KMT5B: variants seen among roughly 807,000 people sequenced by gnomAD.
The protein encoded by KMT5B is histone-lysine N-methyltransferase KMT5B.
In KMT5B, 10 loss-of-function variants were observed where a neutral mutation model predicts 83.2. The observed-to-expected ratio is 0.12, with a 90% CI of 0.07 to 0.20. The LOEUF (loss-of-function observed/expected upper bound fraction) is 0.20, where lower values mean the gene tolerates loss of function less well. Among genes scored for constraint, KMT5B ranks in the 10% least tolerant of loss-of-function variants. KMT5B has a pLI of 1.00. For synonymous variants in KMT5B, 349 were observed against 388.8 expected (o/e 0.90, Z 1.20); for missense variants, 753 against 1,067.2 (o/e 0.71, Z 4.10).
Position 68,158,268 on chromosome 11 carries a change from T to C in KMT5B, c.2078A>G (p.Lys693Arg). ...FKTKDSFRTA[K>R]SKKKRRITRY... is the part of the protein sequence containing the mutation. Reference sequence around the variant, plus strand: ...TGTGATTCGCCTCTTCTTTTTACTTTTTGCAGTTCTAAAGCTGTCTTTTGT... The same window carrying C: ...TGTGATTCGCCTCTTCTTTTTACTTCTTGCAGTTCTAAAGCTGTCTTTTGT... The change falls in exon 11 of 11, where the codon AAA becomes AGA. Residue 693 changes from lysine (K) to arginine (R), a missense_variant. Physicochemically the swap from Lys to Arg is conservative, Grantham distance 26. Transcript: ENST00000304363. The C allele has an allele frequency of 6.2e-7, 1 of 1,614,180 alleles. No individual in the cohort carries two copies. The highest frequency in any genetic ancestry group is 8.5e-7 in the Non-Finnish European group (1 of 1,180,032).
At chr11:68,164,942 GTATT>G (rs887773650) in intron 10 of KMT5B, among the ~76,000 whole-genome samples, 9 of 152,342 alleles carry the variant, frequency 5.9e-5, no homozygotes, top group African/African-American at 1.9e-4. Flanking sequence ...ATTTCAGTAA[GTATT>G]TAGTTTGTTA....
At chr11:68,184,465 G>A (rs1194561456) in intron 3 of KMT5B, among the ~76,000 whole-genome samples, 1 of 152,138 alleles carries the variant, frequency 6.6e-6, no homozygotes, top group Non-Finnish European at 1.5e-5. Context: ...GATAAGTGAG[G>A]CATATAGTAT....
chr11:68,167,848 C>T (rs117591396), intron 9 of KMT5B, among the ~76,000 whole-genome samples: 1 of 152,286 alleles, frequency 6.6e-6, no homozygotes, highest in East Asian at 1.9e-4. Flanking sequence ...TCTCCACATC[C>T]TCATCAACGG....
In KMT5B at chr11:68,186,813, A is replaced by G. The variant is rs116252343; in HGVS notation, c.161-885T>C. Among the ~76,000 whole-genome samples, 410 of 152,332 alleles carry G rather than the reference A, an allele frequency of 2.7e-3. 3 individuals carry two copies. Among genetic ancestry groups the G allele is most frequent in the African/African-American group, 9.1e-3 (377 of 41,588 alleles). On this transcript the variant is annotated intron_variant, in intron 2 of 10. Transcript: ENST00000304363. ...TGGGGAAGAATGAAACACAGAGTAA[A>G]GTTTAACCTTTTCATCCACTCTTTC...
chr11:68,159,145 C>G lies in KMT5B; in HGVS notation c.1201G>C (p.Val401Leu), dbSNP rs547961826. ...GTTCTGCTCTTGCTATTCTTTTTTA[C>G]GCCAACTGAAGATTTTCGGTTAGAA... ...ATSNRKSSVG[V>L]KKNSKSRTLT... is the part of the protein sequence containing the mutation. The change falls in exon 11 of 11, where the codon GTA becomes CTA. Residue 401 changes from valine (V) to leucine (L), a missense_variant. Transcript: ENST00000304363. The G allele has an allele frequency of 7.6e-6, 12 of 1,574,340 alleles. No individual in the cohort carries two copies. Among genetic ancestry groups the G allele is most frequent in the Non-Finnish European group, 1.0e-5 (12 of 1,167,640 alleles).
At chr11:68,170,947 A>G in intron 9 of KMT5B, 68 bp downstream of exon 9, 1 of 1,448,486 alleles carries the variant, frequency 6.9e-7, no homozygotes, top group Non-Finnish European at 9.3e-7. Flanking sequence ...AGATAATGTG[A>G]GTTTAATCCC....
At chr11:68,191,219 TCTCA>T (rs1387484112) in intron 1 of KMT5B, among the ~76,000 whole-genome samples, 20 of 118,122 alleles carry the variant, frequency 1.7e-4, no homozygotes, top group African/African-American at 6.5e-4. Context: ...AGAGACGAGG[TCTCA>T]CTATGTTGCC....
rs139757555 is a variant in KMT5B at position 68,157,877 on chromosome 11, T to C, written c.2469A>G (p.Glu823=). The part of the protein sequence containing the change: ...MEVDDYSQYE[E]ESTDDSSSSE... The stretch of plus-strand genomic sequence containing the variant: ...AAGAGGAGGAATCATCTGTACTTTC[T>C]TCCTCATACTGACTATAGTCATCCA... Residue 823 remains glutamate (E), a synonymous_variant, in exon 11 of 11, where the codon GAA becomes GAG. Coordinates refer to ENST00000304363, the MANE Select transcript of KMT5B (RefSeq NM_017635.5). 4.3e-6 allele frequency: 7 copies of C among 1,613,854 alleles called. No homozygotes were observed. The highest frequency in any genetic ancestry group is 4.2e-6 in the Non-Finnish European group (5 of 1,179,874).
chr11:68,196,747 G>A (rs1858761821), intron 1 of KMT5B, among the ~76,000 whole-genome samples: 1 of 151,728 alleles, frequency 6.6e-6, no homozygotes, highest in African/African-American at 2.4e-5. Context: ...CCTAGTCCTT[G>A]ACCCTCCAGA....
chr11:68,179,742 T>A (rs756123435), intron 4 of KMT5B: 42 of 764,890 alleles, frequency 5.5e-5, no homozygotes, highest in Non-Finnish European at 6.8e-5. Flanking sequence ...GTGAACACAT[T>A]TCCCCCTCTG....
chr11:68,203,505 C>T (rs184657965), intron 1 of KMT5B, among the ~76,000 whole-genome samples: 3 of 152,328 alleles, frequency 2.0e-5, no homozygotes, highest in Non-Finnish European at 2.9e-5. Flanking sequence ...TAAGGCTCCA[C>T]GGAATCCTAT....
intron 1 of KMT5B, among the ~76,000 whole-genome samples, chr11:68,195,672 A>G (rs1006308753): frequency 6.6e-6 from 1 of 152,236 alleles, no homozygotes; most frequent in African/African-American, 2.4e-5. Flanking sequence ...ATAGCTCAGC[A>G]TTCATAGTGC....
chr11:68,175,128 T>G lies in KMT5B; in HGVS notation c.433A>C (p.Lys145Gln). Residue 145 changes from lysine (K) to glutamine (Q), a missense_variant, in exon 5 of 11, where the codon AAG (lysine) becomes CAG (glutamine). By Grantham distance (53) the Lys-to-Gln change is moderately conservative. This residue lies in a region of KMT5B where 71 missense variants were observed against 107.0 expected (regional missense o/e 0.66). Transcript: ENST00000304363. ...EELKEVIERF[K>Q]KDEHLEKAFK... ...GCTTTCTCCAAGTGTTCATCTTTCT[T>G]AAAACGTTCAATTACTTCCTTTAGT... 2 of 1,614,024 alleles carry G rather than the reference T, an allele frequency of 1.2e-6. No homozygotes were observed. Among genetic ancestry groups the G allele is most frequent in the Non-Finnish European group, 1.7e-6 (2 of 1,179,912 alleles).
At chr11:68,191,173 T>G (rs1053709881) in intron 1 of KMT5B, among the ~76,000 whole-genome samples, 2 of 139,172 alleles carry the variant, frequency 1.4e-5, no homozygotes, top group Non-Finnish European at 3.1e-5. Context: ...TTTTAAAACT[T>G]TGTGTGTGTG....
chr11:68,211,020 C>A (rs1202486651), intron 1 of KMT5B, among the ~76,000 whole-genome samples: 2 of 152,314 alleles, frequency 1.3e-5, no homozygotes, highest in South Asian at 2.1e-4. Context: ...TGCTTAGATG[C>A]CACACACACA....
intron 1 of KMT5B, among the ~76,000 whole-genome samples, chr11:68,205,381 C>A (rs1004085204): frequency 1.1e-4 from 16 of 152,156 alleles, no homozygotes; most frequent in African/African-American, 3.9e-4. Context: ...GTATAAAATG[C>A]AGCTACTGAG....
chr11:68,205,373 A>G lies in KMT5B; in HGVS notation c.-77+7765T>C, dbSNP rs139572333. ...CATACACTATCCTTCAACTGAAGGT[A>G]TAAAATGCAGCTACTGAGTTATATA... is the stretch of plus-strand genomic sequence containing the variant. On this transcript the variant is annotated intron_variant, in intron 1 of 10. Coordinates refer to ENST00000304363, the MANE Select transcript of KMT5B (RefSeq NM_017635.5). Among the ~76,000 whole-genome samples the G allele has an allele frequency of 1.9e-3, 282 of 152,308 alleles. 5 individuals carry two copies. The highest frequency in any genetic ancestry group is 3.7e-4 in the Non-Finnish European group (25 of 68,030).
intron 1 of KMT5B, among the ~76,000 whole-genome samples, chr11:68,209,516 T>C (rs995039797): frequency 6.6e-6 from 1 of 152,158 alleles, no homozygotes; most frequent in Non-Finnish European, 1.5e-5. Flanking sequence ...CCGAGTGCCA[T>C]TAGAGATGTG....
At position 68,158,396 on chromosome 11, in the gene KMT5B, A is replaced by G; in HGVS notation, c.1950T>C (p.Ser650=). 2 of 1,614,190 alleles carry G rather than the reference A, an allele frequency of 1.2e-6. No individual in the cohort carries two copies. The highest frequency in any genetic ancestry group is 1.7e-6 in the Non-Finnish European group (2 of 1,179,990). Residue 650 remains serine, a synonymous_variant, in exon 11 of 11, where the codon TCT becomes TCC. Coordinates refer to ENST00000304363, the MANE Select transcript of KMT5B (RefSeq NM_017635.5). ...DAVPDLMGPH[S]DQGEHSGTVG... Reference sequence around the variant, plus strand: ...CAGTGCCACTGTGCTCACCCTGGTCAGAATGGGGACCCATCAAATCTGGTA... The same window carrying G: ...CAGTGCCACTGTGCTCACCCTGGTCGGAATGGGGACCCATCAAATCTGGTA...
Sources: gnomAD v4.1 joint callset for allele counts (sites outside exome capture counted in the v4.1 genomes callset) on GRCh38, gnomAD v4.1.1 for gene constraint, gnomAD v4.1.1 regional missense constraint, MANE v1.5 for transcripts, NCBI Gene and HGNC (gene_info 2026-07-23, HGNC 2026-07-21) for gene names.